Variants in NDST4 observed in about 807,000 individuals in gnomAD.
The protein encoded by NDST4 is N-deacetylase and N-sulfotransferase 4, also known as N-heparan sulfate sulfotransferase 4.
A neutral mutation model predicts 100.8 loss-of-function variants in NDST4; 63 were observed. That is an observed-to-expected ratio of 0.62 (90% CI 0.51 to 0.77). The LOEUF is 0.77. NDST4 is among the 30% of genes least tolerant of loss of function. NDST4 has a pLI of 0.00. For synonymous variants in NDST4, 377 were observed against 361.8 expected, an observed-to-expected ratio of 1.04 and a Z score of -0.48; for missense variants, 943 against 1,018.4, an observed-to-expected ratio of 0.93 and a Z score of 1.01.
At chr4:114,906,465 T>A (rs899070359) in intron 6 of NDST4, among the ~76,000 whole-genome samples, 21 of 151,976 alleles carry the variant, frequency 1.4e-4, no homozygotes, top group African/African-American at 5.1e-4. Context: ...AAGAATGTAA[T>A]CTTCAAACTT....
In NDST4 at chr4:114,986,832, A is replaced by ATATATATATATATTTTTTTT; in HGVS notation, c.979-9559_979-9558insAAAAAAAATATATATATATA. Among the ~76,000 whole-genome samples the ATATATATATATATTTTTTTT allele has an allele frequency of 9.5e-4, 90 of 94,626 alleles. 2 individuals are homozygous for ATATATATATATATTTTTTTT. Among genetic ancestry groups the ATATATATATATATTTTTTTT allele is most frequent in the South Asian group, 1.7e-3 (4 of 2,336 alleles). 62.1% of individuals were successfully genotyped at this position (94,626 alleles called of 152,430 possible). On this transcript the variant is annotated intron_variant, in intron 2 of 13. Transcript: ENST00000264363. Reference sequence around the variant, plus strand: ...TATATATATATATATATATATATATATTTTAATATACTATTCCTATAAGCT... The same window carrying ATATATATATATATTTTTTTT: ...TATATATATATATATATATATATATATATATATATATATTTTTTTTTTTTAATATACTATTCCTATAAGCT...
At chr4:114,978,491 A>G (rs928808150) in intron 2 of NDST4, among the ~76,000 whole-genome samples, 5 of 152,104 alleles carry the variant, frequency 3.3e-5, no homozygotes, top group African/African-American at 1.2e-4. Flanking sequence ...AATATTATCA[A>G]CTAAGTAGAC....
At chr4:114,929,513 G>C (rs548628675) in intron 6 of NDST4, among the ~76,000 whole-genome samples, 1 of 152,198 alleles carries the variant, frequency 6.6e-6, no homozygotes, top group East Asian at 1.9e-4. Context: ...ATTTACCTAT[G>C]TATCATATTT....
At chr4:114,970,381 C>T (rs1726483862) in intron 4 of NDST4, 49 bp downstream of exon 4, 1 of 1,537,216 alleles carries the variant, frequency 6.5e-7, no homozygotes, top group Non-Finnish European at 8.9e-7. Flanking sequence ...ACTTCCACCA[C>T]AAGATCACAA....
intron 2 of NDST4, among the ~76,000 whole-genome samples, chr4:115,029,482 G>C (rs1728068973): frequency 6.6e-6 from 1 of 152,072 alleles, no homozygotes; most frequent in Non-Finnish European, 1.5e-5. Context: ...TGTCCTCTCA[G>C]GTAGCTCTGA....
At chr4:115,104,438 T>G (rs1232601414) in intron 1 of NDST4, among the ~76,000 whole-genome samples, 1 of 152,094 alleles carries the variant, frequency 6.6e-6, no homozygotes, top group Non-Finnish European at 1.5e-5. Flanking sequence ...GCTCTAGCAG[T>G]TGGTCAGAAG....
At chr4:115,041,008 C>T (rs1320222601) in intron 2 of NDST4, among the ~76,000 whole-genome samples, 2 of 152,004 alleles carry the variant, frequency 1.3e-5, no homozygotes, top group African/African-American at 4.8e-5. Flanking sequence ...TTTATGAACT[C>T]TACCTCTGAG....
At chr4:114,935,585 T>A (rs887437459) in intron 5 of NDST4, among the ~76,000 whole-genome samples, 10 of 152,102 alleles carry the variant, frequency 6.6e-5, no homozygotes, top group African/African-American at 2.4e-4. Context: ...ACCCACCACC[T>A]GTGTTATGTT....
chr4:114,929,479 G>A (rs954556083), intron 6 of NDST4, among the ~76,000 whole-genome samples: 3 of 152,040 alleles, frequency 2.0e-5, no homozygotes, highest in African/African-American at 7.2e-5. Flanking sequence ...ATCTACTCCT[G>A]CTGTGTCTGT....
chr4:115,081,921 C>A (rs1729313306), intron 1 of NDST4, among the ~76,000 whole-genome samples: 1 of 152,036 alleles, frequency 6.6e-6, no homozygotes, highest in Admixed American at 6.6e-5. Flanking sequence ...ACCATCAAAC[C>A]AAGTAAGTTA....
At chr4:115,080,028 T>C (rs920207880) in intron 1 of NDST4, among the ~76,000 whole-genome samples, 7 of 152,200 alleles carry the variant, frequency 4.6e-5, no homozygotes, top group Admixed American at 1.3e-4. Flanking sequence ...CTGTGAAACA[T>C]ATTGTACCAG....
At chr4:115,090,770 A>G (rs1023925936) in intron 1 of NDST4, among the ~76,000 whole-genome samples, 3 of 152,062 alleles carry the variant, frequency 2.0e-5, no homozygotes, top group Admixed American at 1.3e-4. Context: ...AGAAAGTGTT[A>G]ACTAGATAAG....
chr4:114,873,708 T>G (rs1724198233), intron 6 of NDST4, among the ~76,000 whole-genome samples: 1 of 152,060 alleles, frequency 6.6e-6, no homozygotes, highest in South Asian at 2.1e-4. Flanking sequence ...CAAAATAATA[T>G]GCATTCGATC....
At chr4:114,873,217 A>G (rs1007217125) in intron 6 of NDST4, among the ~76,000 whole-genome samples, 3 of 151,666 alleles carry the variant, frequency 2.0e-5, no homozygotes, top group African/African-American at 7.2e-5. Context: ...CAAATCTTTT[A>G]TTTGAAACAT....
intron 6 of NDST4, 35 bp downstream of exon 6, chr4:114,935,171 A>G (rs1725600168): frequency 7.0e-7 from 1 of 1,430,006 alleles, no homozygotes; most frequent in African/African-American, 1.5e-5. Context: ...TAAAAATGCT[A>G]ATCTTATTGT....
rs1259121131 is a variant in NDST4, at chr4:115,010,244, T to C, written c.979-32970A>G. On this transcript the variant is annotated intron_variant, in intron 2 of 13. Transcript: ENST00000264363. ...ATAAAGACACATGCACACGTATGTT[T>C]ATTGCGGCGCTATTCACAATAGCAA... Among the ~76,000 whole-genome samples the C allele has an allele frequency of 2.4e-5, 3 of 124,508 alleles. 1 individual carries two copies. Among genetic ancestry groups the C allele is most frequent in the African/African-American group, 9.3e-5 (3 of 32,278 alleles). 81.7% of individuals were successfully genotyped at this position (124,508 alleles called of 152,430 possible).
intron 1 of NDST4, among the ~76,000 whole-genome samples, chr4:115,104,090 T>G (rs1729790207): frequency 6.6e-6 from 1 of 152,184 alleles, no homozygotes; most frequent in Non-Finnish European, 1.5e-5. Context: ...AATATTGTGT[T>G]TATATTCAAA....
chr4:114,867,621 G>A (rs1724054088), intron 7 of NDST4, among the ~76,000 whole-genome samples: 1 of 115,628 alleles, frequency 8.6e-6, no homozygotes, highest in East Asian at 3.0e-4. Flanking sequence ...CCATATTGTG[G>A]TTTTGGTTCC....
intron 6 of NDST4, among the ~76,000 whole-genome samples, chr4:114,871,462 A>G (rs1423919346): frequency 6.6e-6 from 1 of 152,096 alleles, no homozygotes; most frequent in Admixed American, 6.6e-5. Context: ...TTCCCCACTC[A>G]TTAATCCTTT....
Sources: allele counts gnomAD v4.1 joint callset (sites outside exome capture counted in the v4.1 genomes callset), GRCh38; gene constraint gnomAD v4.1.1; transcripts MANE v1.5; gene names NCBI Gene and HGNC (gene_info 2026-07-23, HGNC 2026-07-21).